Variants in CLMN observed in about 807,000 individuals in gnomAD.
CLMN encodes calmin (calponin-like, transmembrane).
CLMN carries 57 observed loss-of-function variants against 92.7 expected under a neutral mutation model. The observed-to-expected ratio is 0.61, with a 90% CI of 0.50 to 0.77. The LOEUF (loss-of-function observed/expected upper bound fraction) is 0.77, where lower values mean the gene tolerates loss of function less well. Ranked by LOEUF, CLMN falls within the 30% of genes least tolerant of loss-of-function variation. CLMN has a pLI of 0.00. For synonymous variants in CLMN, 466 were observed against 470.6 expected, an observed-to-expected ratio of 0.99 and a Z score of 0.13; for missense variants, 1,158 against 1,237.5, an observed-to-expected ratio of 0.94 and a Z score of 0.96.
At chr14:95,204,486 A>C in intron 8 of CLMN, 23 bp from the exon 9 acceptor site, 1 of 1,536,698 alleles carries the variant, frequency 6.5e-7, no homozygotes, top group Non-Finnish European at 8.7e-7. Flanking sequence ...ACAAAAACAA[A>C]CAAACAAAAA....
chr14:95,201,345 C>T (rs1254002726), intron 9 of CLMN, among the ~76,000 whole-genome samples: 1 of 151,668 alleles, frequency 6.6e-6, no homozygotes, highest in African/African-American at 2.4e-5. Context: ...GCGAAGAAGG[C>T]CTGGATTTCC....
rs369451069 is a variant in CLMN at position 95,280,483 on chromosome 14, T to C, written c.82+39228A>G. Among the ~76,000 whole-genome samples, 10 of 152,344 alleles carry C rather than the reference T, an allele frequency of 6.6e-5. No homozygotes were observed. The East Asian group carries it at 1.5e-3, about 23-fold the overall frequency. On this transcript the variant is annotated intron_variant, in intron 1 of 12. Transcript: ENST00000298912. Reference sequence around the variant, plus strand: ...GCTAAGTCTTCCCTCTGCTAATGAATAGAGGTTTTTGCTTGTTTAAAATCT... The same window carrying C: ...GCTAAGTCTTCCCTCTGCTAATGAACAGAGGTTTTTGCTTGTTTAAAATCT...
intron 2 of CLMN, 67 bp from the exon 3 acceptor site, chr14:95,223,922 A>G: frequency 8.7e-7 from 1 of 1,145,716 alleles, no homozygotes; most frequent in East Asian, 2.4e-5. Context: ...TATGTCAGAG[A>G]TGCAGCTTTC....
chr14:95,292,434 AC>A (rs1266313814), intron 1 of CLMN, among the ~76,000 whole-genome samples: 6 of 50,454 alleles, frequency 1.2e-4, no homozygotes, highest in South Asian at 8.1e-4. Context: ...AGGGTCCCCC[AC>A]CCCCACCCCC....
rs373104956 is a variant in CLMN at position 95,215,758 on chromosome 14, T to A, written c.325-25A>T. The stretch of plus-strand genomic sequence containing the variant: ...CCTGGAGGGAAGCAATTTATGAACT[T>A]AAAGCGAGGTGTCCAGGGAGGATAA... On this transcript the variant is annotated intron_variant, in intron 4 of 12. Coordinates refer to ENST00000298912, the MANE Select transcript of CLMN (RefSeq NM_024734.4). 21 of 1,550,358 alleles carry A rather than the reference T, an allele frequency of 1.4e-5. No homozygotes were observed. In the Admixed American group the frequency reaches 3.3e-4, roughly 25 times the overall value.
At chr14:95,245,632 G>GTGGA (rs2140667151) in intron 1 of CLMN, among the ~76,000 whole-genome samples, 1 of 116,416 alleles carries the variant, frequency 8.6e-6, no homozygotes, top group African/African-American at 3.5e-5. Flanking sequence ...GGGTGAGTGG[G>GTGGA]TGGATGGATG....
At chr14:95,310,369 T>C (rs1360017034) in intron 1 of CLMN, among the ~76,000 whole-genome samples, 1 of 152,198 alleles carries the variant, frequency 6.6e-6, no homozygotes, top group Non-Finnish European at 1.5e-5. Flanking sequence ...ATCTCCTGTC[T>C]CCCTCTCTCT....
At chr14:95,221,812 C>A in intron 3 of CLMN, 38 bp from the exon 4 acceptor site, 2 of 1,585,608 alleles carry the variant, frequency 1.3e-6, no homozygotes, top group Non-Finnish European at 1.7e-6. Context: ...CACATTAAAC[C>A]CGCACAGGCA....
chr14:95,220,968 T>C (rs1340523972), intron 4 of CLMN, among the ~76,000 whole-genome samples: 2 of 152,234 alleles, frequency 1.3e-5, no homozygotes, highest in Non-Finnish European at 2.9e-5. Context: ...CTGTGGCTAC[T>C]CGGCATATTT....
intron 9 of CLMN, among the ~76,000 whole-genome samples, chr14:95,197,525 A>G (rs1413284683): frequency 2.0e-5 from 3 of 152,206 alleles, no homozygotes; most frequent in Non-Finnish European, 4.4e-5. Context: ...AGGTGGGCCA[A>G]AGGGTGCAAA....
chr14:95,219,301 T>C (rs575776497), intron 4 of CLMN, among the ~76,000 whole-genome samples: 1 of 152,244 alleles, frequency 6.6e-6, no homozygotes, highest in South Asian at 2.1e-4. Flanking sequence ...TAGAGGTCAA[T>C]ACGGTGGAAG....
chr14:95,265,020 G>A (rs775264496), intron 1 of CLMN, among the ~76,000 whole-genome samples: 1 of 151,954 alleles, frequency 6.6e-6, no homozygotes, highest in Non-Finnish European at 1.5e-5. Flanking sequence ...GCCAAGGCAG[G>A]AGGACTGTTT....
Position 95,299,612 on chromosome 14 carries a change from C to T in CLMN, c.82+20099G>A, listed in dbSNP as rs555403686. Among the ~76,000 whole-genome samples, 87 of 152,302 alleles carry T rather than the reference C, an allele frequency of 5.7e-4. 1 individual carries two copies. Among genetic ancestry groups the T allele is most frequent in the African/African-American group, 2.0e-3 (85 of 41,562 alleles). ...TAGAAGGTAAATGATGGGATGCAAACAGGGCTTCTGAGGTTGGAAGAGACC... is the reference window on the plus strand; with the variant it reads ...TAGAAGGTAAATGATGGGATGCAAATAGGGCTTCTGAGGTTGGAAGAGACC... On this transcript the variant is annotated intron_variant, in intron 1 of 12. Coordinates refer to ENST00000298912, the MANE Select transcript of CLMN (RefSeq NM_024734.4).
At chr14:95,275,880 C>T (rs911791779) in intron 1 of CLMN, among the ~76,000 whole-genome samples, 1 of 152,190 alleles carries the variant, frequency 6.6e-6, no homozygotes, top group Non-Finnish European at 1.5e-5. Context: ...CTAGGTTGGT[C>T]TCGAGCACCT....
intron 8 of CLMN, among the ~76,000 whole-genome samples, chr14:95,206,115 T>A (rs1381260633): frequency 2.0e-5 from 3 of 152,198 alleles, no homozygotes; most frequent in Non-Finnish European, 2.9e-5. Flanking sequence ...ACACAAGCAC[T>A]AATCATAAGA....
intron 1 of CLMN, among the ~76,000 whole-genome samples, chr14:95,234,092 C>T (rs572688523): frequency 3.9e-5 from 6 of 152,220 alleles, no homozygotes; most frequent in East Asian, 1.9e-4. Flanking sequence ...TTCAGCGCCA[C>T]GCACCACTGG....
intron 1 of CLMN, among the ~76,000 whole-genome samples, chr14:95,312,664 C>A (rs1219120416): frequency 6.6e-6 from 1 of 152,190 alleles, no homozygotes. Context: ...CATACTGCTG[C>A]TGGAAAGAAG....
chr14:95,291,272 G>A (rs1345286461), intron 1 of CLMN, among the ~76,000 whole-genome samples: 1 of 152,216 alleles, frequency 6.6e-6, no homozygotes, highest in Non-Finnish European at 1.5e-5. Context: ...ACCACCTGTT[G>A]CAGGCGCCTG....
chr14:95,284,150 G>A (rs1001684036), intron 1 of CLMN, among the ~76,000 whole-genome samples: 23 of 152,220 alleles, frequency 1.5e-4, no homozygotes, highest in Non-Finnish European at 3.1e-4. Context: ...TGTGGCTTCA[G>A]AGGGTGAAAG....
Sources: allele counts gnomAD v4.1 joint callset (sites outside exome capture counted in the v4.1 genomes callset), GRCh38; gene constraint gnomAD v4.1.1; transcripts MANE v1.5; gene names NCBI Gene and HGNC (gene_info 2026-07-23, HGNC 2026-07-21).